GYS1: variants seen among roughly 807,000 people sequenced by gnomAD.
GYS1 encodes the protein glycogen [starch] synthase, muscle.
GYS1 carries 60 observed loss-of-function variants against 89.1 expected under a neutral mutation model. The observed-to-expected ratio is 0.67, with a 90% CI of 0.55 to 0.84. GYS1 has a LOEUF of 0.84. Among genes scored for constraint, GYS1 ranks in the 40% least tolerant of loss-of-function variants. GYS1 has a pLI of 0.00. For missense variants in GYS1, 888 were observed against 1,003.1 expected, an observed-to-expected ratio of 0.89 and a Z score of 1.55; for synonymous variants, 366 against 401.7, an observed-to-expected ratio of 0.91 and a Z score of 1.06.
intron 10 of GYS1, among the ~76,000 whole-genome samples, chr19:48,977,367 C>G (rs969794791): frequency 6.6e-6 from 1 of 152,194 alleles, no homozygotes; most frequent in Non-Finnish European, 1.5e-5. Flanking sequence ...CTGAGGCAGA[C>G]AGAACACTTG....
intron 10 of GYS1, among the ~76,000 whole-genome samples, chr19:48,975,448 C>T (rs971744961): frequency 3.9e-5 from 6 of 151,944 alleles, no homozygotes; most frequent in African/African-American, 4.8e-5. Flanking sequence ...GAGGCAAAGC[C>T]GTGTTAGCAA....
chr19:48,978,960 G>A (rs999961064), intron 8 of GYS1, among the ~76,000 whole-genome samples: 1 of 152,210 alleles, frequency 6.6e-6, no homozygotes. Flanking sequence ...CCACGTGCCT[G>A]ACATCAGCTG....
intron 15 of GYS1, 47 bp from the exon 16 acceptor site, chr19:48,969,658 A>G (rs1296216212): frequency 1.3e-6 from 2 of 1,570,266 alleles, no homozygotes; most frequent in African/African-American, 1.4e-5. Context: ...TGAGGACCTC[A>G]CAGTCCCACC....
At chr19:48,982,693 T>C in intron 6 of GYS1, 27 bp downstream of exon 6, 1 of 1,455,460 alleles carries the variant, frequency 6.9e-7, no homozygotes, top group Non-Finnish European at 9.7e-7. Flanking sequence ...CCTCCTCTCT[T>C]AAGACCTAGG....
intron 11 of GYS1, 95 bp from the exon 12 acceptor site, chr19:48,974,434 C>T: frequency 7.3e-7 from 1 of 1,364,656 alleles, no homozygotes; most frequent in Non-Finnish European, 1.0e-6. Flanking sequence ...GCTTGTCTAG[C>T]ATCACACAGC....
chr19:48,971,411 G>A (rs1365376301), intron 12 of GYS1, among the ~76,000 whole-genome samples: 2 of 152,028 alleles, frequency 1.3e-5, no homozygotes, highest in Non-Finnish European at 2.9e-5. Context: ...TACGGACTTA[G>A]TCTATTTTGA....
chr19:48,970,328 AG>A (rs2038542037), intron 14 of GYS1: 1 of 562,726 alleles, frequency 1.8e-6, no homozygotes, highest in South Asian at 2.0e-5. Flanking sequence ...AATGTTGCCC[AG>A]GCTGGTCTCT....
At chr19:48,970,145 C>T (rs1027696894) in intron 14 of GYS1, 5 of 507,516 alleles carry the variant, frequency 9.9e-6, no homozygotes, top group Admixed American at 3.3e-5. Context: ...TCTTTTTAAA[C>T]ACGGTCTTGT....
At chr19:48,980,843 G>A (rs1010767040) in intron 8 of GYS1, among the ~76,000 whole-genome samples, 3 of 151,826 alleles carry the variant, frequency 2.0e-5, no homozygotes, top group Non-Finnish European at 4.4e-5. Context: ...GGCTAGGTGT[G>A]GTGGCTCACG....
At chr19:48,975,061 G>C (rs2038624007) in intron 10 of GYS1, among the ~76,000 whole-genome samples, 1 of 152,042 alleles carries the variant, frequency 6.6e-6, no homozygotes, top group African/African-American at 2.4e-5. Context: ...CTCCCGAGTA[G>C]CTGGAACTAC....
intron 4 of GYS1, 72 bp from the exon 5 acceptor site, chr19:48,985,677 C>G: frequency 5.1e-6 from 8 of 1,579,964 alleles, no homozygotes; most frequent in Non-Finnish European, 7.0e-6. Flanking sequence ...ACACTGGGGT[C>G]CCAAGAGAAA....
At chr19:48,984,586 G>C (rs2038812651) in intron 5 of GYS1, among the ~76,000 whole-genome samples, 1 of 151,826 alleles carries the variant, frequency 6.6e-6, no homozygotes, top group South Asian at 2.1e-4. Flanking sequence ...AGTAGAGATG[G>C]AGTTTCGCCA....
At chr19:48,970,220 G>A (rs2038538489) in intron 14 of GYS1, 19 of 442,520 alleles carry the variant, frequency 4.3e-5, no homozygotes, top group South Asian at 2.9e-4. Context: ...AACCTCCGGG[G>A]CTCAAGCGAC....
chr19:48,990,001 G>GGC (rs1555800126), intron 2 of GYS1, among the ~76,000 whole-genome samples: 2 of 125,622 alleles, frequency 1.6e-5, no homozygotes, highest in African/African-American at 6.1e-5. Context: ...CTTTTGCTGG[G>GGC]GGGGGGGGGG....
intron 12 of GYS1, among the ~76,000 whole-genome samples, chr19:48,973,421 G>A (rs78058750): frequency 0.016 from 2,422 of 151,818 alleles, 60 homozygotes; most frequent in African/African-American, 0.054. Context: ...GGGGCTGACC[G>A]CGACTCCTAA....
intron 12 of GYS1, among the ~76,000 whole-genome samples, chr19:48,971,272 G>A (rs1419515029): frequency 6.6e-6 from 1 of 152,194 alleles, no homozygotes; most frequent in African/African-American, 2.4e-5. Flanking sequence ...TGGGAGATAA[G>A]GATGCTAATT....
In GYS1 at chr19:48,968,224, G is replaced by A. The variant is rs922107718; in HGVS notation, c.*1064C>T. The A allele has an allele frequency of 2.6e-4, 119 of 454,098 alleles. No individual in the cohort carries two copies. The highest frequency in any genetic ancestry group is 4.1e-4 in the Non-Finnish European group (93 of 226,816). The allele number at this position is 454,098 out of a possible 1,614,324, so 28.1% of individuals were successfully genotyped here. On this transcript the variant is annotated 3_prime_UTR_variant, in exon 16 of 16. Coordinates refer to ENST00000323798, the MANE Select transcript of GYS1 (RefSeq NM_002103.5). ...CCCTCTCAACTGCAAACCAAGCGGT[G>A]CAGACACAGCACAGCACACATGAGG...
chr19:48,970,756 T>G, intron 13 of GYS1, 47 bp from the exon 14 acceptor site: 1 of 1,586,872 alleles, frequency 6.3e-7, no homozygotes, highest in Non-Finnish European at 8.6e-7. Flanking sequence ...GGGGAGATCT[T>G]CATGGTCTCC....
At chr19:48,985,035 T>A (rs901344533) in intron 5 of GYS1, among the ~76,000 whole-genome samples, 12 of 152,334 alleles carry the variant, frequency 7.9e-5, no homozygotes, top group Middle Eastern at 3.4e-3. Flanking sequence ...TGCATTTTTT[T>A]ATTTTTTGAG....
Sources: gnomAD v4.1 joint callset for allele counts (sites outside exome capture counted in the v4.1 genomes callset) on GRCh38, gnomAD v4.1.1 for gene constraint, MANE v1.5 for transcripts, NCBI Gene and HGNC (gene_info 2026-07-23, HGNC 2026-07-21) for gene names.